ARL15: variants seen among roughly 807,000 people sequenced by gnomAD.
The protein encoded by ARL15 is ADP-ribosylation factor-like protein 15.
In ARL15, 19 loss-of-function variants were observed where a neutral mutation model predicts 25.2. That is an observed-to-expected ratio of 0.75 (90% CI 0.53 to 1.10). The LOEUF (loss-of-function observed/expected upper bound fraction) is 1.10, where lower values mean the gene tolerates loss of function less well. Ranked by LOEUF, ARL15 falls within the 50% of genes least tolerant of loss-of-function variation. The pLI, the probability that ARL15 is intolerant of heterozygous loss-of-function variation, is 0.00. For synonymous variants in ARL15, 94 were observed against 86.8 expected (o/e 1.08, Z -0.46); for missense variants, 220 against 246.0 (o/e 0.89, Z 0.71).
chr5:54,087,868 G>T (rs113392404), intron 4 of ARL15, among the ~76,000 whole-genome samples: 2 of 152,174 alleles, frequency 1.3e-5, no homozygotes, highest in African/African-American at 4.8e-5. Context: ...TAGAGATGAG[G>T]CTTCACCATG....
At chr5:53,980,789 A>G (rs1748093922) in intron 4 of ARL15, among the ~76,000 whole-genome samples, 1 of 152,146 alleles carries the variant, frequency 6.6e-6, no homozygotes, top group Admixed American at 6.6e-5. Flanking sequence ...TCCAAATCAG[A>G]GCACCTCACT....
chr5:53,896,205 G>C (rs988396811), intron 4 of ARL15, among the ~76,000 whole-genome samples: 11 of 151,882 alleles, frequency 7.2e-5, no homozygotes, highest in African/African-American at 2.7e-4. Context: ...CGCTAATTTT[G>C]GTATTTTTGG....
At chr5:54,131,075 G>A (rs1753414049) in intron 3 of ARL15, among the ~76,000 whole-genome samples, 1 of 152,198 alleles carries the variant, frequency 6.6e-6, no homozygotes, top group South Asian at 2.1e-4. Context: ...GGGGTGTCCA[G>A]TGGGACCTGG....
chr5:53,984,835 T>G (rs978967555), intron 4 of ARL15, among the ~76,000 whole-genome samples: 5 of 152,236 alleles, frequency 3.3e-5, no homozygotes, highest in Admixed American at 1.3e-4. Flanking sequence ...ATTTTCAAAG[T>G]GATTCCTGCA....
intron 2 of ARL15, among the ~76,000 whole-genome samples, chr5:54,160,046 C>G (rs1277213774): frequency 2.0e-5 from 3 of 152,168 alleles, no homozygotes; most frequent in Non-Finnish European, 4.4e-5. Flanking sequence ...TTCTGAAATT[C>G]CTGGGTCACT....
At chr5:54,243,815 C>A (rs2112581805) in intron 1 of ARL15, among the ~76,000 whole-genome samples, 1 of 152,306 alleles carries the variant, frequency 6.6e-6, no homozygotes, top group East Asian at 1.9e-4. Context: ...CACACAATTT[C>A]TTAACATTTG....
chr5:54,203,971 T>C (rs1229182762), intron 1 of ARL15, among the ~76,000 whole-genome samples: 2 of 152,150 alleles, frequency 1.3e-5, no homozygotes, highest in East Asian at 1.9e-4. Flanking sequence ...AATGTCCTTA[T>C]TGGCAAACTA....
intron 1 of ARL15, among the ~76,000 whole-genome samples, chr5:54,230,706 C>T (rs1390991520): frequency 6.6e-6 from 1 of 152,152 alleles, no homozygotes; most frequent in Non-Finnish European, 1.5e-5. Context: ...CCTCTGTGCG[C>T]CCTCATCCAG....
Position 54,036,450 on chromosome 5 carries a change from C to T in ARL15, c.462+76752G>A, listed in dbSNP as rs1041565283. Among the ~76,000 whole-genome samples the T allele has an allele frequency of 2.6e-5, 4 of 152,176 alleles. No individual in the cohort carries two copies. In the East Asian group the frequency reaches 5.8e-4, roughly 22 times the overall value. Reference sequence around the variant, plus strand: ...TTCTACTTCTACATTTCTACATATTCCAATACTGACTGAAGGCAAACACCT... The same window carrying T: ...TTCTACTTCTACATTTCTACATATTTCAATACTGACTGAAGGCAAACACCT... On this transcript the variant is annotated intron_variant, in intron 4 of 4. Coordinates refer to ENST00000504924, the MANE Select transcript of ARL15 (RefSeq NM_019087.3).
chr5:54,005,366 A>C (rs1748993018), intron 4 of ARL15, among the ~76,000 whole-genome samples: 1 of 152,174 alleles, frequency 6.6e-6, no homozygotes, highest in Admixed American at 6.5e-5. Context: ...TCTGTCCCCC[A>C]GGTGACTGTA....
chr5:53,973,549 G>C (rs1747821272), intron 4 of ARL15, among the ~76,000 whole-genome samples: 1 of 150,310 alleles, frequency 6.7e-6, no homozygotes, highest in Non-Finnish European at 1.5e-5. Flanking sequence ...GCTCCAGCCT[G>C]GGCAACAAGA....
At chr5:54,038,183 T>A (rs1388749327) in intron 4 of ARL15, among the ~76,000 whole-genome samples, 1 of 152,152 alleles carries the variant, frequency 6.6e-6, no homozygotes, top group African/African-American at 2.4e-5. Flanking sequence ...AAGTTTTTGC[T>A]TATTTATACC....
At chr5:53,892,143 A>G (rs372291556) in intron 4 of ARL15, among the ~76,000 whole-genome samples, 14 of 152,366 alleles carry the variant, frequency 9.2e-5, no homozygotes, top group African/African-American at 2.9e-4. Context: ...AAAGAGGGAT[A>G]TGATTACTTA....
chr5:54,125,215 G>GT (rs1753210453), intron 3 of ARL15, among the ~76,000 whole-genome samples: 2 of 151,710 alleles, frequency 1.3e-5, no homozygotes, highest in African/African-American at 4.8e-5. Context: ...TGTATTTTTA[G>GT]TAGAGACGGG....
intron 3 of ARL15, among the ~76,000 whole-genome samples, chr5:54,118,164 GAAAC>G (rs1044849862): frequency 1.3e-5 from 2 of 152,118 alleles, no homozygotes; most frequent in African/African-American, 4.8e-5. Flanking sequence ...AACTGATTAA[GAAAC>G]AACCACCTGT....
chr5:54,163,356 CTTTTTTTTTTTTTTTTTTTTTT>C (rs869196680), intron 2 of ARL15, among the ~76,000 whole-genome samples: 1 of 55,652 alleles, frequency 1.8e-5, no homozygotes, highest in Non-Finnish European at 3.5e-5. Context: ...TGGTATGAAG[CTTTTTTTTTTTTTTTTTTTTTT>C]TTTTTTTTTT....
At chr5:53,996,606 G>A (rs1203414643) in intron 4 of ARL15, among the ~76,000 whole-genome samples, 3 of 131,354 alleles carry the variant, frequency 2.3e-5, no homozygotes, top group South Asian at 2.5e-4. Flanking sequence ...GTGACAGAGT[G>A]AGACTGTCTC....
At chr5:54,166,853 C>G (rs1189351888) in intron 2 of ARL15, among the ~76,000 whole-genome samples, 1 of 152,140 alleles carries the variant, frequency 6.6e-6, no homozygotes, top group Non-Finnish European at 1.5e-5. Context: ...GGCCTCTTCC[C>G]ATCCCTGATA....
At chr5:53,991,560 A>AG (rs1748494770) in intron 4 of ARL15, among the ~76,000 whole-genome samples, 2 of 131,430 alleles carry the variant, frequency 1.5e-5, no homozygotes, top group African/African-American at 2.7e-5. Context: ...AAAAAAAAAA[A>AG]AGGGGGGGCG....
Sources: gnomAD v4.1 joint callset for allele counts (sites outside exome capture counted in the v4.1 genomes callset) on GRCh38, gnomAD v4.1.1 for gene constraint, MANE v1.5 for transcripts, NCBI Gene and HGNC (gene_info 2026-07-23, HGNC 2026-07-21) for gene names.